Variants in RASGRF2 observed in about 807,000 individuals in gnomAD.
RASGRF2 encodes ras-specific guanine nucleotide-releasing factor 2.
Under a neutral mutation model 151.0 loss-of-function variants are expected in RASGRF2, and 76 were observed. That is an observed-to-expected ratio of 0.50 (90% CI 0.42 to 0.61). RASGRF2 has a LOEUF of 0.61. Ranked by LOEUF, RASGRF2 falls within the 20% of genes least tolerant of loss-of-function variation. The pLI, the probability that RASGRF2 is intolerant of heterozygous loss-of-function variation, is 0.00. For synonymous variants in RASGRF2, 504 were observed against 566.5 expected (o/e 0.89, Z 1.57); for missense variants, 1,148 against 1,564.6 (o/e 0.73, Z 4.49).
chr5:80,990,030 T>C (rs996073385), intron 1 of RASGRF2, among the ~76,000 whole-genome samples: 5 of 152,120 alleles, frequency 3.3e-5, no homozygotes, highest in African/African-American at 9.7e-5. Flanking sequence ...CCTTAGAGGC[T>C]GCCAAGGTGG....
rs557208568 is a variant in RASGRF2 at position 81,051,431 on chromosome 5, G to A, written c.395+8448G>A. Among the ~76,000 whole-genome samples the A allele has an allele frequency of 6.6e-5, 10 of 152,052 alleles. No individual in the cohort carries two copies. In the East Asian group the frequency reaches 9.6e-4, roughly 15 times the overall value. On this transcript the variant is annotated intron_variant, in intron 2 of 26. Coordinates refer to ENST00000265080, the MANE Select transcript of RASGRF2 (RefSeq NM_006909.3). ...TTGTACAACCATCACCACTAATTTC[G>A]GAGCATTTTCAACACCACAAAAGAA...
At chr5:81,193,455 T>TC (rs1246694362) in intron 18 of RASGRF2, among the ~76,000 whole-genome samples, 1 of 152,208 alleles carries the variant, frequency 6.6e-6, no homozygotes, top group Non-Finnish European at 1.5e-5. Context: ...GTTTGACATT[T>TC]CAGCCTTCCC....
intron 17 of RASGRF2, among the ~76,000 whole-genome samples, chr5:81,148,595 G>A (rs1470903084): frequency 6.7e-6 from 1 of 149,816 alleles, no homozygotes; most frequent in Admixed American, 6.7e-5. Context: ...AGAAACACCT[G>A]AACGCACCAA....
chr5:81,124,354 A>C (rs1219515327), intron 16 of RASGRF2, among the ~76,000 whole-genome samples: 1 of 149,754 alleles, frequency 6.7e-6, no homozygotes, highest in Non-Finnish European at 1.5e-5. Flanking sequence ...ATTGCATTGC[A>C]TTTTGTGAGG....
At chr5:81,118,007 C>T (rs1753206456) in intron 15 of RASGRF2, among the ~76,000 whole-genome samples, 1 of 152,164 alleles carries the variant, frequency 6.6e-6, no homozygotes, top group African/African-American at 2.4e-5. Flanking sequence ...TTAGGCAGGC[C>T]CACTCCCATG....
rs1561544862 is a variant in RASGRF2 at position 80,996,525 on chromosome 5, C to CTT, written c.288+35499_288+35500insTT. 4.6e-4 allele frequency among the ~76,000 whole-genome samples: 26 copies of CTT among 57,138 alleles called. 2 individuals carry two copies. Among genetic ancestry groups the CTT allele is most frequent in the African/African-American group, 1.2e-3 (15 of 12,550 alleles). The allele number at this position is 57,138 out of a possible 152,430, so 37.5% of individuals were successfully genotyped here. ...TCTTCCTCCTCCTCCTCCTCCCCCT[C>CTT]CTCCTCCTCCCCCTCCTCCTCCTCC... On this transcript the variant is annotated intron_variant, in intron 1 of 26. Transcript: ENST00000265080.
At chr5:81,096,698 T>C (rs138006616) in intron 12 of RASGRF2, among the ~76,000 whole-genome samples, 170 of 152,236 alleles carry the variant, frequency 1.1e-3, no homozygotes, top group African/African-American at 4.0e-3. Flanking sequence ...GAAAGACCCT[T>C]GGAGTGCGTG....
At chr5:81,139,405 C>CTTTTTTTT (rs757190046) in intron 17 of RASGRF2, among the ~76,000 whole-genome samples, 4 of 60,434 alleles carry the variant, frequency 6.6e-5, no homozygotes, top group Non-Finnish European at 8.0e-5. Context: ...TTCTTTCTTT[C>CTTTTTTTT]TTTTTTTTTT....
At chr5:80,972,721 C>T (rs1747978400) in intron 1 of RASGRF2, among the ~76,000 whole-genome samples, 1 of 152,144 alleles carries the variant, frequency 6.6e-6, no homozygotes, top group Admixed American at 6.5e-5. Context: ...TTCAAGTGAT[C>T]CGCCCACCTC....
chr5:80,976,349 C>T (rs1249323570), intron 1 of RASGRF2, among the ~76,000 whole-genome samples: 4 of 152,128 alleles, frequency 2.6e-5, no homozygotes, highest in Admixed American at 1.3e-4. Flanking sequence ...AGGCTTAGAA[C>T]GGTTTAGTAA....
intron 2 of RASGRF2, among the ~76,000 whole-genome samples, chr5:81,053,187 A>G (rs1751071438): frequency 6.6e-6 from 1 of 151,718 alleles, no homozygotes; most frequent in Non-Finnish European, 1.5e-5. Context: ...CAGGTTTGTT[A>G]CATATGTATA....
intron 23 of RASGRF2, among the ~76,000 whole-genome samples, chr5:81,214,860 T>G (rs1233633161): frequency 1.3e-5 from 2 of 152,212 alleles, no homozygotes; most frequent in Non-Finnish European, 2.9e-5. Context: ...ACAATGTTAT[T>G]TCTCAGTAAT....
intron 17 of RASGRF2, among the ~76,000 whole-genome samples, chr5:81,170,180 C>T (rs966841485): frequency 6.6e-6 from 1 of 152,200 alleles, no homozygotes; most frequent in African/African-American, 2.4e-5. Context: ...ACCTGCACTC[C>T]CTGCACCACT....
At chr5:81,108,681 A>G (rs1376483315) in intron 12 of RASGRF2, among the ~76,000 whole-genome samples, 1 of 152,238 alleles carries the variant, frequency 6.6e-6, no homozygotes, top group Non-Finnish European at 1.5e-5. Flanking sequence ...AAGAATTGTG[A>G]CAAAGTGACA....
chr5:81,170,006 TCACCTGCACCACCTGCAC>T (rs1279026032), intron 17 of RASGRF2, among the ~76,000 whole-genome samples: 1 of 61,676 alleles, frequency 1.6e-5, no homozygotes, highest in Non-Finnish European at 3.5e-5. Context: ...ATCACCTGCA[TCACCTGCACCACCTGCAC>T]CACCTGCATC....
chr5:81,160,682 A>AAATAATCATAATAAT (rs1554038885), intron 17 of RASGRF2, among the ~76,000 whole-genome samples: 1 of 138,484 alleles, frequency 7.2e-6, no homozygotes, highest in East Asian at 2.2e-4. Flanking sequence ...TCTGTCTCAA[A>AAATAATCATAATAAT]AATAATAATA....
At chr5:81,103,382 A>G (rs1202283965) in intron 12 of RASGRF2, among the ~76,000 whole-genome samples, 1 of 152,080 alleles carries the variant, frequency 6.6e-6, no homozygotes, top group Non-Finnish European at 1.5e-5. Context: ...TATAGATTCT[A>G]TATTCTAGGA....
chr5:81,120,018 T>C (rs1446864800), intron 15 of RASGRF2, among the ~76,000 whole-genome samples: 3 of 152,144 alleles, frequency 2.0e-5, no homozygotes, highest in African/African-American at 7.2e-5. Flanking sequence ...GTGAAGCCCG[T>C]AGAGCCAACC....
intron 17 of RASGRF2, among the ~76,000 whole-genome samples, chr5:81,133,487 T>G (rs1753676031): frequency 6.6e-6 from 1 of 152,240 alleles, no homozygotes; most frequent in African/African-American, 2.4e-5. Flanking sequence ...GATATAGTTA[T>G]GATATGAATA....
Sources: gnomAD v4.1 joint callset for allele counts (sites outside exome capture counted in the v4.1 genomes callset) on GRCh38, gnomAD v4.1.1 for gene constraint, MANE v1.5 for transcripts, NCBI Gene and HGNC (gene_info 2026-07-23, HGNC 2026-07-21) for gene names.